Variants in GPR137B observed in about 807,000 individuals in gnomAD.
The protein encoded by GPR137B is G protein-coupled receptor 137B.
GPR137B carries 42 observed loss-of-function variants against 42.5 expected under a neutral mutation model. The ratio of observed to expected loss-of-function variants is 0.99; its 90% CI spans 0.77 to 1.28. The LOEUF is 1.28. Among genes scored for constraint, GPR137B ranks in the 50% most tolerant of loss-of-function variants. GPR137B has a pLI of 0.00. For synonymous variants in GPR137B, 218 were observed against 209.7 expected (o/e 1.04, Z -0.34); for missense variants, 487 against 493.9 (o/e 0.99, Z 0.13).
chr1:236,192,938 A>G (rs1403042530), intron 5 of GPR137B, among the ~76,000 whole-genome samples: 3 of 152,032 alleles, frequency 2.0e-5, no homozygotes, highest in Admixed American at 6.6e-5. Context: ...TCTGTCACCC[A>G]GGCTGGAGTG....
At position 236,150,349 on chromosome 1, in the gene GPR137B, G is replaced by T. The variant is rs1193005575; in HGVS notation, c.414+7313G>T. Among the ~76,000 whole-genome samples, 1 of 152,078 alleles carries T rather than the reference G, an allele frequency of 6.6e-6. No individual in the cohort carries two copies. Among genetic ancestry groups the T allele is most frequent in the Non-Finnish European group, 1.5e-5 (1 of 68,018 alleles). On this transcript the variant is annotated intron_variant, in intron 1 of 6. Transcript: ENST00000366592. The surrounding 1 kb of genome is among the most constrained non-coding windows in gnomAD (Gnocchi z 6.2). Reference sequence around the variant, plus strand: ...TCTGTGCATGTGTGTGCCTGTGTGTGTGGAAAGGTTTCCTTATTTTCTTGG... The same window carrying T: ...TCTGTGCATGTGTGTGCCTGTGTGTTTGGAAAGGTTTCCTTATTTTCTTGG...
chr1:236,142,875 T>C lies in GPR137B; in HGVS notation c.253T>C (p.Cys85Arg), dbSNP rs769100993. ...CTACCAGAGCGTCTTCCTCTTTCTC[T>C]GCCTCTTCTGGGCCTCCCTGCGGAC... ...LSYQSVFLFL[C>R]LFWASLRTVL... The change falls in exon 1 of 7, where the codon TGC (cysteine) becomes CGC (arginine). Residue 85 changes from cysteine (C) to arginine (R), a missense_variant. Transcript: ENST00000366592. 17 of 1,614,234 alleles carry C rather than the reference T, an allele frequency of 1.1e-5. No individual in the cohort carries two copies. The highest frequency in any genetic ancestry group is 1.4e-5 in the Non-Finnish European group (17 of 1,180,038).
intron 4 of GPR137B, among the ~76,000 whole-genome samples, chr1:236,180,633 A>AT (rs544204649): frequency 0.28 from 38,702 of 138,478 alleles, 5,719 homozygotes; most frequent in East Asian, 0.6. Flanking sequence ...GCAGTACTTA[A>AT]TTTTTTTTTT....
At chr1:236,192,535 G>A (rs1459992596) in intron 5 of GPR137B, among the ~76,000 whole-genome samples, 1 of 152,134 alleles carries the variant, frequency 6.6e-6, no homozygotes. Flanking sequence ...GCAGTATCTG[G>A]GCCGGAGTGC....
chr1:236,183,919 T>C lies in GPR137B; in HGVS notation c.966+13T>C. On this transcript the variant is annotated intron_variant, in intron 5 of 6. Coordinates refer to ENST00000366592, the MANE Select transcript of GPR137B (RefSeq NM_003272.4). ...TACAAAGGACCTTGTAAGTAAACCA[T>C]TTTACATTTGTAAGAAAATGTCTCC... 1.9e-6 allele frequency: 3 copies of C among 1,579,362 alleles called. No homozygotes were observed. Among genetic ancestry groups the C allele is most frequent in the Non-Finnish European group, 1.7e-6 (2 of 1,154,804 alleles).
intron 4 of GPR137B, among the ~76,000 whole-genome samples, chr1:236,181,722 C>CCACAAACACAGGAT (rs1662881473): frequency 6.6e-6 from 1 of 152,050 alleles, no homozygotes; most frequent in Non-Finnish European, 1.5e-5. Flanking sequence ...CAAACCAACA[C>CCACAAACACAGGAT]CACAAACACA....
In GPR137B at chr1:236,179,908, C is replaced by G. The variant is rs1398753370; in HGVS notation, c.717C>G (p.Ile239Met). 1.3e-6 allele frequency: 2 copies of G among 1,598,762 alleles called. No homozygotes were observed. The highest frequency in any genetic ancestry group is 4.5e-5 in the East Asian group (2 of 44,800). ...CCTCCGTGTGTCAAGTGACTGCCATCGGTGTCACCGTGATACTGCTTTACA... is the reference window on the plus strand; with the variant it reads ...CCTCCGTGTGTCAAGTGACTGCCATGGGTGTCACCGTGATACTGCTTTACA... The part of the protein sequence containing the change: ...KGSSVCQVTA[I>M]GVTVILLYTS... The change falls in exon 4 of 7, where the codon ATC becomes ATG. Residue 239 changes from isoleucine to methionine, a missense_variant. Transcript: ENST00000366592.
chr1:236,165,086 G>A, intron 1 of GPR137B, among the ~76,000 whole-genome samples: 1 of 152,140 alleles, frequency 6.6e-6, no homozygotes, highest in East Asian at 1.9e-4. Context: ...TATAGTTTTA[G>A]AGGAGACAGG....
At chr1:236,163,495 C>G (rs898635595) in intron 1 of GPR137B, among the ~76,000 whole-genome samples, 2 of 152,078 alleles carry the variant, frequency 1.3e-5, no homozygotes, top group Non-Finnish European at 2.9e-5. Context: ...GGCTGTGTCC[C>G]CCTCCAAATC....
At position 236,156,400 on chromosome 1, in the gene GPR137B, T is replaced by C. The variant is rs73121074; in HGVS notation, c.415-12306T>C. Among the ~76,000 whole-genome samples the C allele has an allele frequency of 0.04, 6,166 of 152,310 alleles. 280 individuals are homozygous for C. Among genetic ancestry groups the C allele is most frequent in the East Asian group, 0.18 (952 of 5,180 alleles). ...AACTTTATGGCATGGACAGCGTGCTTGCTTGCCTTTTCTGGCCAGTTACCT... is the reference window on the plus strand; with the variant it reads ...AACTTTATGGCATGGACAGCGTGCTCGCTTGCCTTTTCTGGCCAGTTACCT... On this transcript the variant is annotated intron_variant, in intron 1 of 6. Transcript: ENST00000366592. This position sits in a 1 kb window ranked among gnomAD's most constrained non-coding sequence, Gnocchi z 4.8.
chr1:236,186,331 AATTAT>A (rs1663037358), intron 5 of GPR137B, among the ~76,000 whole-genome samples: 2 of 50,530 alleles, frequency 4.0e-5, no homozygotes, highest in Non-Finnish European at 7.1e-5. Flanking sequence ...AATAATATAT[AATTAT>A]ATATATTATA....
intron 1 of GPR137B, among the ~76,000 whole-genome samples, chr1:236,148,346 C>A (rs1661739639): frequency 6.6e-6 from 1 of 152,220 alleles, no homozygotes; most frequent in African/African-American, 2.4e-5. Flanking sequence ...GACACCTCGG[C>A]AGCCACGTAT....
rs183190039 is a variant in GPR137B at position 236,155,963 on chromosome 1, A to G, written c.415-12743A>G. The stretch of plus-strand genomic sequence containing the variant: ...AACATGCACACACATACACAAACGC[A>G]CACACATGCACACACACGCGCGCGC... On this transcript the variant is annotated intron_variant, in intron 1 of 6. Transcript: ENST00000366592. This position sits in a 1 kb window ranked among gnomAD's most constrained non-coding sequence, Gnocchi z 4.6. 6.6e-6 allele frequency among the ~76,000 whole-genome samples: 1 copy of G among 152,322 alleles called. No individual in the cohort carries two copies. The highest frequency in any genetic ancestry group is 6.5e-5 in the Admixed American group (1 of 15,306).
At chr1:236,199,645 TA>T (rs1663437869) in intron 5 of GPR137B, among the ~76,000 whole-genome samples, 1 of 150,752 alleles carries the variant, frequency 6.6e-6, no homozygotes, top group Non-Finnish European at 1.5e-5. Context: ...CTAGTTTCTG[TA>T]AAGGTGTTCG....
intron 5 of GPR137B, among the ~76,000 whole-genome samples, chr1:236,196,285 A>G (rs1007010745): frequency 6.6e-6 from 1 of 151,978 alleles, no homozygotes; most frequent in East Asian, 1.9e-4. Context: ...GACTACAGGC[A>G]TGAGCTACCA....
intron 1 of GPR137B, among the ~76,000 whole-genome samples, chr1:236,165,825 G>A (rs61576182): frequency 2.0e-5 from 3 of 152,268 alleles, no homozygotes; most frequent in African/African-American, 2.4e-5. Flanking sequence ...ATTTGATCAC[G>A]TGACATTTAT....
At chr1:236,165,164 G>C (rs556147825) in intron 1 of GPR137B, among the ~76,000 whole-genome samples, 1 of 152,310 alleles carries the variant, frequency 6.6e-6, no homozygotes, top group East Asian at 1.9e-4. Context: ...CTCAGCCTCT[G>C]AAAGTGCTGG....
chr1:236,143,295 C>CTCCG (rs1251702008), intron 1 of GPR137B, among the ~76,000 whole-genome samples: 1 of 152,282 alleles, frequency 6.6e-6, no homozygotes, highest in Non-Finnish European at 1.5e-5. Flanking sequence ...CTGCCCCTGG[C>CTCCG]TCCGCATCGT....
At chr1:236,181,582 A>G (rs944137352) in intron 4 of GPR137B, among the ~76,000 whole-genome samples, 1 of 152,224 alleles carries the variant, frequency 6.6e-6, no homozygotes, top group Admixed American at 6.5e-5. Context: ...TAACATCTCA[A>G]TAGTGCTCAA....
Sources: allele counts gnomAD v4.1 joint callset (sites outside exome capture counted in the v4.1 genomes callset), GRCh38; gene constraint gnomAD v4.1.1; non-coding constraint Gnocchi (gnomAD v3.1); transcripts MANE v1.5; gene names NCBI Gene and HGNC (gene_info 2026-07-23, HGNC 2026-07-21).